The following ZNF33B variants were observed in gnomAD, a reference collection of about 807,000 sequenced individuals.
The protein encoded by ZNF33B is zinc finger protein 33B.
A neutral mutation model predicts 45.8 loss-of-function variants in ZNF33B; 29 were observed. The ratio of observed to expected loss-of-function variants is 0.63; its 90% confidence interval spans 0.47 to 0.86. ZNF33B has a LOEUF of 0.86. Ranked by LOEUF, ZNF33B falls within the 40% of genes least tolerant of loss-of-function variation. The probability of loss-of-function intolerance (pLI) is 0.00; values close to 1 mark genes in which losing one functional copy is unlikely to be tolerated. For missense variants in ZNF33B, 831 were observed against 909.9 expected (o/e 0.91, Z 1.12); for synonymous variants, 305 against 307.8 (o/e 0.99, Z 0.10).
intron 4 of ZNF33B, among the ~76,000 whole-genome samples, chr10:42,596,172 A>G (rs1434112982): frequency 2.0e-5 from 3 of 151,862 alleles, no homozygotes; most frequent in African/African-American, 7.2e-5. Flanking sequence ...AGAAAGTATA[A>G]TCTAAGAAAA....
intron 4 of ZNF33B, among the ~76,000 whole-genome samples, chr10:42,620,987 A>G (rs906746810): frequency 6.6e-6 from 1 of 152,152 alleles, no homozygotes; most frequent in African/African-American, 2.4e-5. Context: ...CATGTAAAGC[A>G]AACACAGAAT....
At chr10:42,601,401 C>G (rs1419243088) in intron 4 of ZNF33B, among the ~76,000 whole-genome samples, 1 of 151,138 alleles carries the variant, frequency 6.6e-6, no homozygotes, top group African/African-American at 2.4e-5. Flanking sequence ...CTTTTAGAGA[C>G]TCCAATTCCA....
Position 42,577,132 on chromosome 10 carries a change from CAAAAAA to C in ZNF33B, c.74-2460_74-2455del, listed in dbSNP as rs71014272. On this transcript the variant is annotated intron_variant, in intron 1 of 1. Transcript: ENST00000462075. ...TGGGTGACGGAGCAAGACTCCATCT[CAAAAAA>C]AAAAAAAAAAAAAAAAAATTCCCAG... Among the ~76,000 whole-genome samples, 292 of 81,658 alleles carry C rather than the reference CAAAAAA, an allele frequency of 3.6e-3. 2 individuals carry two copies. Among genetic ancestry groups the C allele is most frequent in the Non-Finnish European group, 4.6e-3 (205 of 44,620 alleles). The allele number at this position is 81,658 out of a possible 152,430, so 53.6% of individuals were successfully genotyped here.
intron 2 of ZNF33B, among the ~76,000 whole-genome samples, chr10:42,633,502 T>C (rs969435762): frequency 7.9e-5 from 12 of 152,120 alleles, no homozygotes; most frequent in African/African-American, 2.9e-4. Flanking sequence ...GCATGAATAA[T>C]AGGAGACAGA....
At chr10:42,609,153 T>G (rs1837992913) in intron 4 of ZNF33B, among the ~76,000 whole-genome samples, 1 of 152,180 alleles carries the variant, frequency 6.6e-6, no homozygotes, top group Non-Finnish European at 1.5e-5. Context: ...CAGTGGCTCA[T>G]GCCTGTAATC....
chr10:42,580,540 T>G (rs2132013315), intron 1 of ZNF33B, among the ~76,000 whole-genome samples: 1 of 151,990 alleles, frequency 6.6e-6, no homozygotes, highest in East Asian at 2.0e-4. Context: ...GCCTCGCCTC[T>G]ACTAAGTGTT....
At chr10:42,626,141 A>C (rs1301946490) in intron 4 of ZNF33B, among the ~76,000 whole-genome samples, 1 of 152,112 alleles carries the variant, frequency 6.6e-6, no homozygotes, top group East Asian at 1.9e-4. Context: ...ATGTTATATC[A>C]TTTTTCTTCT....
At chr10:42,617,978 C>T (rs115940952) in intron 4 of ZNF33B, among the ~76,000 whole-genome samples, 2,545 of 152,234 alleles carry the variant, frequency 0.017, 76 homozygotes, top group African/African-American at 0.058. Flanking sequence ...GTGTGCTCAC[C>T]CTACCCCAAA....
At chr10:42,607,914 G>T (rs995121994) in intron 4 of ZNF33B, among the ~76,000 whole-genome samples, 2 of 152,094 alleles carry the variant, frequency 1.3e-5, no homozygotes, top group African/African-American at 4.8e-5. Flanking sequence ...CAATCAAAAA[G>T]CAACAATTCT....
chr10:42,629,155 G>A (rs1404847327), intron 4 of ZNF33B, among the ~76,000 whole-genome samples: 1 of 152,284 alleles, frequency 6.6e-6, no homozygotes, highest in East Asian at 1.9e-4. Flanking sequence ...CCTGTCATAT[G>A]CAACAACCTA....
intron 2 of ZNF33B, 115 bp downstream of exon 2, chr10:42,636,805 G>A: frequency 6.9e-7 from 1 of 1,453,952 alleles, no homozygotes; most frequent in Non-Finnish European, 9.6e-7. Context: ...TCCAGCCTGG[G>A]CGACAGAGCG....
intron 4 of ZNF33B, among the ~76,000 whole-genome samples, chr10:42,609,271 T>C (rs1359694801): frequency 6.6e-6 from 1 of 151,894 alleles, no homozygotes; most frequent in Non-Finnish European, 1.5e-5. Flanking sequence ...TACAAAAAAT[T>C]AGCTGCATGT....
At chr10:42,575,112 G>A (rs7084535) in intron 1 of ZNF33B, among the ~76,000 whole-genome samples, 19,518 of 152,184 alleles carry the variant, frequency 0.13, 1,586 homozygotes, top group African/African-American at 0.22. Flanking sequence ...AGAAAGAAGC[G>A]TGGTCTTACA....
chr10:42,590,813 G>GT lies in ZNF33B; in HGVS notation c.*1799dup, dbSNP rs1389274189. ...TTGGTATTAGCAGTATTTGTCTTCT[G>GT]TTTTTTCTTAATCTAGCTAGAGGTT... On this transcript the variant is annotated 3_prime_UTR_variant, in exon 5 of 5. Coordinates refer to ENST00000359467, the MANE Select transcript of ZNF33B (RefSeq NM_006955.3). 1.3e-5 allele frequency: 2 copies of GT among 152,118 alleles called. No homozygotes were observed. The highest frequency in any genetic ancestry group is 1.9e-4 in the East Asian group (1 of 5,172). 9.4% of individuals were successfully genotyped at this position (152,118 alleles called of 1,614,324 possible). A position where few individuals can be genotyped will look rare whatever the true frequency, so the allele number is the denominator to read the frequency against.
chr10:42,587,796 T>C (rs2132021795), downstream of ZNF33B, among the ~76,000 whole-genome samples: 1 of 152,290 alleles, frequency 6.6e-6, no homozygotes, highest in East Asian at 1.9e-4. Context: ...TGGGGAGAAC[T>C]GGTACCTTTT....
chr10:42,631,245 G>A lies in ZNF33B; in HGVS notation c.250+684C>T, dbSNP rs1309301075. Among the ~76,000 whole-genome samples, 12 of 151,162 alleles carry A rather than the reference G, an allele frequency of 7.9e-5. No individual in the cohort carries two copies. In the South Asian group the frequency reaches 1.9e-3, roughly 24 times the overall value. ...TTTTGAGACAGAGTCTCGCTCTGTCGCCCAGGCTAGAGTGCAGTGGTGCAA... is the reference window on the plus strand; with the variant it reads ...TTTTGAGACAGAGTCTCGCTCTGTCACCCAGGCTAGAGTGCAGTGGTGCAA... On this transcript the variant is annotated intron_variant, in intron 4 of 4. Coordinates refer to ENST00000359467, the MANE Select transcript of ZNF33B (RefSeq NM_006955.3).
chr10:42,623,716 GT>G (rs140036513), intron 4 of ZNF33B, among the ~76,000 whole-genome samples: 3,091 of 152,296 alleles, frequency 0.02, 79 homozygotes, highest in African/African-American at 0.063. Flanking sequence ...TACAGTTTCT[GT>G]TTGAAATAAT....
At chr10:42,629,236 A>G (rs1366034653) in intron 4 of ZNF33B, among the ~76,000 whole-genome samples, 1 of 152,146 alleles carries the variant, frequency 6.6e-6, no homozygotes, top group African/African-American at 2.4e-5. Flanking sequence ...AAAAATTAAA[A>G]CAACTGAACT....
chr10:42,596,297 T>C (rs1837396986), intron 4 of ZNF33B, among the ~76,000 whole-genome samples: 1 of 152,028 alleles, frequency 6.6e-6, no homozygotes. Flanking sequence ...ATAAAACTAC[T>C]AGATGTTAAA....
Sources: allele counts gnomAD v4.1 joint callset (sites outside exome capture counted in the v4.1 genomes callset), GRCh38; gene constraint gnomAD v4.1.1; transcripts MANE v1.5; gene names NCBI Gene and HGNC (gene_info 2026-07-23, HGNC 2026-07-21).